ANKFN1: variants seen among roughly 807,000 people sequenced by gnomAD.
ANKFN1 encodes the protein ankyrin repeat and fibronectin type III domain containing 1.
A neutral mutation model predicts 108.7 loss-of-function variants in ANKFN1; 74 were observed. That is an observed-to-expected ratio of 0.68 (90% confidence interval 0.56 to 0.83). ANKFN1 has a LOEUF of 0.83. ANKFN1 is among the 40% of genes least tolerant of loss of function. ANKFN1 has a pLI of 0.00. For synonymous variants in ANKFN1, 547 were observed against 516.2 expected (o/e 1.06, Z -0.81); for missense variants, 1,505 against 1,382.3 (o/e 1.09, Z -1.41).
In ANKFN1 at chr17:56,310,009, T is replaced by C. The variant is rs182913372; in HGVS notation, c.54-16212T>C. ...ATACATCATAAAGAGGATCATCCGC[T>C]TCACATGATCCTGGATCGTTGAGCC... On this transcript the variant is annotated intron_variant, in intron 3 of 20. Transcript: ENST00000682825. Among the ~76,000 whole-genome samples, 367 of 152,266 alleles carry C rather than the reference T, an allele frequency of 2.4e-3. 1 individual carries two copies. Among genetic ancestry groups the C allele is most frequent in the African/African-American group, 8.3e-3 (344 of 41,554 alleles).
At chr17:56,148,978 C>T (rs547364636), upstream of ANKFN1, among the ~76,000 whole-genome samples, 14 of 152,266 alleles carry the variant, frequency 9.2e-5, no homozygotes, top group African/African-American at 3.1e-4. Context: ...GATGAGGTAA[C>T]TGCAGGCAAG....
intron 4 of ANKFN1, among the ~76,000 whole-genome samples, chr17:56,132,625 A>G (rs887297038): frequency 6.6e-6 from 1 of 152,172 alleles, no homozygotes; most frequent in African/African-American, 2.4e-5. Context: ...AATATACTCA[A>G]ATGGGTTGCT....
intron 4 of ANKFN1, among the ~76,000 whole-genome samples, chr17:56,067,458 A>G (rs1377951111): frequency 6.6e-6 from 1 of 152,092 alleles, no homozygotes; most frequent in Non-Finnish European, 1.5e-5. Flanking sequence ...TCACTCCCAT[A>G]CATGAAGCCT....
chr17:56,225,544 A>AG (rs1370530732), intron 2 of ANKFN1, among the ~76,000 whole-genome samples: 8 of 152,162 alleles, frequency 5.3e-5, no homozygotes, highest in African/African-American at 1.9e-4. Flanking sequence ...GTTAATCACG[A>AG]GGGGAGGGGA....
chr17:56,243,290 C>T (rs1444117192), intron 3 of ANKFN1, among the ~76,000 whole-genome samples: 2 of 151,980 alleles, frequency 1.3e-5, no homozygotes, highest in Non-Finnish European at 2.9e-5. Flanking sequence ...TTGCTGTTGC[C>T]TCTACTGAGG....
At chr17:56,378,311 TATA>T (rs1233106328) in intron 8 of ANKFN1, among the ~76,000 whole-genome samples, 2 of 152,132 alleles carry the variant, frequency 1.3e-5, no homozygotes, top group Non-Finnish European at 2.9e-5. Flanking sequence ...GTCGATCATT[TATA>T]ATAATAATAG....
rs1352591505 is a variant in ANKFN1, at chr17:56,510,922, G to A, written c.3094G>A (p.Gly1032Ser). Reference sequence around the variant, plus strand: ...GACCCAGTCGCTATCGCTCTCTGAGGGCATTTATACACAGCACCTGTCCCA... The same window carrying A: ...GACCCAGTCGCTATCGCTCTCTGAGAGCATTTATACACAGCACCTGTCCCA... ...SETQSLSLSE[G>S]IYTQHLSQAC... Residue 1032 changes from glycine to serine, a missense_variant, in exon 21 of 21, where the codon GGC (glycine) becomes AGC (serine). Transcript: ENST00000682825. 9 of 1,536,164 alleles carry A rather than the reference G, an allele frequency of 5.9e-6. No individual in the cohort carries two copies. Among genetic ancestry groups the A allele is most frequent in the Admixed American group, 2.0e-5 (1 of 51,012 alleles).
chr17:56,262,553 C>T (rs2043541316), intron 3 of ANKFN1, among the ~76,000 whole-genome samples: 1 of 152,120 alleles, frequency 6.6e-6, no homozygotes, highest in Admixed American at 6.6e-5. Context: ...CTTTCAGCAA[C>T]CGTATTCCTG....
At chr17:56,342,839 C>T (rs1048784369) in intron 4 of ANKFN1, among the ~76,000 whole-genome samples, 5 of 151,444 alleles carry the variant, frequency 3.3e-5, no homozygotes, top group Non-Finnish European at 7.4e-5. Context: ...TTCAGGTCAT[C>T]TTTGTTAATT....
At chr17:56,053,737 T>C (rs796989235) in intron 4 of ANKFN1, among the ~76,000 whole-genome samples, 1 of 152,200 alleles carries the variant, frequency 6.6e-6, no homozygotes, top group African/African-American at 2.4e-5. Flanking sequence ...CGAACTGTTC[T>C]TCACAGTGAT....
intron 6 of ANKFN1, among the ~76,000 whole-genome samples, chr17:56,366,704 A>C (rs1452779910): frequency 6.6e-6 from 1 of 152,240 alleles, no homozygotes; most frequent in Non-Finnish European, 1.5e-5. Context: ...CATGCTGTAC[A>C]GGTGTATAAC....
chr17:56,133,550 G>GTT, intron 4 of ANKFN1, among the ~76,000 whole-genome samples: 1 of 151,596 alleles, frequency 6.6e-6, no homozygotes, highest in South Asian at 2.1e-4. Flanking sequence ...GTGTGTGTGT[G>GTT]TGTGTGTGTG....
chr17:56,256,046 T>C (rs1198209289), intron 3 of ANKFN1, among the ~76,000 whole-genome samples: 1 of 151,534 alleles, frequency 6.6e-6, no homozygotes, highest in African/African-American at 2.4e-5. Context: ...ATAGAGATAG[T>C]AATTTTGCCT....
intron 10 of ANKFN1, among the ~76,000 whole-genome samples, chr17:56,445,231 T>C (rs1442833160): frequency 6.6e-6 from 1 of 152,194 alleles, no homozygotes; most frequent in Non-Finnish European, 1.5e-5. Context: ...TAGTCTCAGT[T>C]GACCTGAAAG....
At chr17:56,347,675 A>T (rs1423287788) in intron 4 of ANKFN1, among the ~76,000 whole-genome samples, 2 of 152,084 alleles carry the variant, frequency 1.3e-5, no homozygotes, top group Non-Finnish European at 2.9e-5. Flanking sequence ...ATAGAGGAGA[A>T]AAAGAAAACA....
chr17:56,215,767 G>A (rs1915379233), intron 2 of ANKFN1: 1 of 152,184 alleles, frequency 6.6e-6, no homozygotes, highest in Non-Finnish European at 1.5e-5. Context: ...TTATAACATG[G>A]GGCACCATTT....
intron 1 of ANKFN1, among the ~76,000 whole-genome samples, chr17:56,183,589 T>C (rs987920228): frequency 1.3e-5 from 2 of 152,144 alleles, no homozygotes; most frequent in Non-Finnish European, 2.9e-5. Context: ...TCTCTTGCCA[T>C]GTAATATGCC....
At chr17:56,414,748 G>C (rs563342273) in intron 8 of ANKFN1, among the ~76,000 whole-genome samples, 2 of 152,266 alleles carry the variant, frequency 1.3e-5, no homozygotes, top group South Asian at 4.1e-4. Context: ...GGCTAGGCAT[G>C]GTGGCTCATG....
chr17:56,404,608 CT>C (rs1471527036), intron 8 of ANKFN1, among the ~76,000 whole-genome samples: 1 of 152,186 alleles, frequency 6.6e-6, no homozygotes, highest in Non-Finnish European at 1.5e-5. Context: ...TCACCTTTCT[CT>C]GGTGACTCTC....
Sources: gnomAD v4.1 joint callset for allele counts (sites outside exome capture counted in the v4.1 genomes callset) on GRCh38, gnomAD v4.1.1 for gene constraint, MANE v1.5 for transcripts, NCBI Gene and HGNC (gene_info 2026-07-23, HGNC 2026-07-21) for gene names.